Variants in GNA14 observed in about 807,000 individuals in gnomAD.
GNA14 encodes G protein subunit alpha 14, also known as guanine nucleotide-binding protein subunit alpha-14.
Under a neutral mutation model 42.0 loss-of-function variants are expected in GNA14, and 50 were observed. The ratio of observed to expected loss-of-function variants is 1.19; its 90% CI spans 0.95 to 1.51. GNA14 has a LOEUF of 1.51. GNA14 is among the 40% of genes most tolerant of loss of function. GNA14 has a pLI of 0.00. For synonymous variants in GNA14, 173 were observed against 163.1 expected (o/e 1.06, Z -0.46); for missense variants, 473 against 446.2 (o/e 1.06, Z -0.54).
At chr9:77,470,326 T>A (rs978644075) in intron 2 of GNA14, among the ~76,000 whole-genome samples, 3 of 152,084 alleles carry the variant, frequency 2.0e-5, no homozygotes, top group Non-Finnish European at 4.4e-5. Context: ...TATCTCCAAT[T>A]AGAAAACAAT....
At chr9:77,501,344 C>T (rs1435017427) in intron 2 of GNA14, among the ~76,000 whole-genome samples, 1 of 152,200 alleles carries the variant, frequency 6.6e-6, no homozygotes, top group Non-Finnish European at 1.5e-5. Flanking sequence ...TTTAGTTCCT[C>T]CACATTACCC....
chr9:77,530,253 CATG>C (rs1837508031), intron 1 of GNA14, among the ~76,000 whole-genome samples: 1 of 152,156 alleles, frequency 6.6e-6, no homozygotes, highest in African/African-American at 2.4e-5. Flanking sequence ...GTGCTGTTCT[CATG>C]AGAGTTCTTG....
chr9:77,617,628 C>T (rs928540637), intron 1 of GNA14, among the ~76,000 whole-genome samples: 15 of 152,160 alleles, frequency 9.9e-5, no homozygotes, highest in South Asian at 2.1e-4. Context: ...CACTTCTCCA[C>T]GCCAATCATG....
At position 77,525,663 on chromosome 9, in the gene GNA14, C is replaced by T. The variant is rs1462552031; in HGVS notation, c.309+3406G>A. ...ACGCCATTCTCCTACCTCAGCCTCC[C>T]GAGTAGCTGGGACTACAGGTACCCG... On this transcript the variant is annotated intron_variant, in intron 2 of 6. Transcript: ENST00000341700. Among the ~76,000 whole-genome samples the T allele has an allele frequency of 9.2e-5, 14 of 151,810 alleles. 1 individual carries two copies. The South Asian group carries it at 2.1e-3, about 23-fold the overall frequency.
At chr9:77,429,339 C>G (rs1430351940) in intron 4 of GNA14, among the ~76,000 whole-genome samples, 2 of 152,134 alleles carry the variant, frequency 1.3e-5, no homozygotes, top group Non-Finnish European at 2.9e-5. Context: ...CAAACGTTCA[C>G]TTGGGTTCTG....
rs1554702687 is a variant in GNA14 at position 77,603,971 on chromosome 9, A to C, written c.124+43699T>G. Among the ~76,000 whole-genome samples, 1,044 of 147,376 alleles carry C rather than the reference A, an allele frequency of 7.1e-3. 16 individuals carry two copies. Among genetic ancestry groups the C allele is most frequent in the African/African-American group, 0.023 (956 of 40,850 alleles). On this transcript the variant is annotated intron_variant, in intron 1 of 6. Coordinates refer to ENST00000341700, the MANE Select transcript of GNA14 (RefSeq NM_004297.4). ...AAAAAAAAAACAAAAAAAAAAAAAA[A>C]AAAAAAAAAACACCTCTGAGAAAAG...
chr9:77,489,079 A>C (rs1292790259), intron 2 of GNA14, among the ~76,000 whole-genome samples: 1 of 152,174 alleles, frequency 6.6e-6, no homozygotes, highest in African/African-American at 2.4e-5. Flanking sequence ...CACAGAGATT[A>C]AAATAATAAA....
Sources: gnomAD v4.1 joint callset for allele counts (sites outside exome capture counted in the v4.1 genomes callset) on GRCh38, gnomAD v4.1.1 for gene constraint, MANE v1.5 for transcripts, NCBI Gene and HGNC (gene_info 2026-07-23, HGNC 2026-07-21) for gene names.